Variants in CLEC16A observed in about 807,000 individuals in gnomAD.
CLEC16A encodes protein CLEC16A.
In CLEC16A, 51 loss-of-function variants were observed where a neutral mutation model predicts 109.5. The observed-to-expected ratio is 0.47, with a 90% CI of 0.37 to 0.59. The LOEUF is 0.59. CLEC16A is among the 20% of genes least tolerant of loss of function. The probability of loss-of-function intolerance (pLI) is 0.00; values close to 1 mark genes in which losing one functional copy is unlikely to be tolerated. For missense variants in CLEC16A, 1,339 were observed against 1,394.0 expected (o/e 0.96, Z 0.63); for synonymous variants, 673 against 564.2 (o/e 1.19, Z -2.73).
At chr16:11,142,353 T>C in intron 22 of CLEC16A, among the ~76,000 whole-genome samples, 1 of 152,220 alleles carries the variant, frequency 6.6e-6, no homozygotes, top group East Asian at 1.9e-4. Context: ...CAGCCTCACA[T>C]GCGTGGCTCC....
rs757838520 is a variant in CLEC16A, at chr16:11,047,345, AAGTG to A, written c.1866+6_1866+9del. ...AAGATGAGTATAGGAGCATGACAGT[AAGTG>A]AGGGGCTGGGACACACTTGGGCTGG... On this transcript the variant is annotated splice_donor_5th_base_variant and intron_variant, in intron 17 of 23. Transcript: ENST00000409790. 1.1e-5 allele frequency: 17 copies of A among 1,606,512 alleles called. No homozygotes were observed. The highest frequency in any genetic ancestry group is 1.4e-5 in the Non-Finnish European group (16 of 1,176,670).
chr16:10,948,037 G>T, intron 1 of CLEC16A, among the ~76,000 whole-genome samples: 1 of 152,048 alleles, frequency 6.6e-6, no homozygotes, highest in Non-Finnish European at 1.5e-5. Context: ...GGGACTACAG[G>T]CGCCCGCCAC....
intron 3 of CLEC16A, among the ~76,000 whole-genome samples, chr16:10,967,326 A>G (rs1567515690): frequency 5.3e-5 from 8 of 152,198 alleles, no homozygotes. Flanking sequence ...CGACGGCTCC[A>G]AATAACTTAA....
At chr16:11,057,474 A>G (rs558244869) in intron 18 of CLEC16A, among the ~76,000 whole-genome samples, 2 of 152,336 alleles carry the variant, frequency 1.3e-5, no homozygotes, top group South Asian at 2.1e-4. Context: ...GTGTCTGACT[A>G]CAGAGCCACC....
intron 19 of CLEC16A, among the ~76,000 whole-genome samples, chr16:11,069,208 G>A (rs1364943552): frequency 6.6e-6 from 1 of 152,000 alleles, no homozygotes; most frequent in African/African-American, 2.4e-5. Context: ...GCTCAGTGCA[G>A]CCCCAACTTC....
rs548272563 is a variant in CLEC16A, at chr16:10,961,247, C to A, written c.210-1208C>A. On this transcript the variant is annotated intron_variant, in intron 2 of 23. Transcript: ENST00000409790. This position sits in a 1 kb window ranked among gnomAD's most constrained non-coding sequence, Gnocchi z 4.3. ...GAATGGCATTTACAGGCAGATGGGC[C>A]TCCGAGTTGGAGAAGATTGTAAGGG... Among the ~76,000 whole-genome samples, 4 of 152,292 alleles carry A rather than the reference C, an allele frequency of 2.6e-5. No homozygotes were observed. In the East Asian group the frequency reaches 7.7e-4, roughly 29 times the overall value.
At chr16:10,967,428 C>G (rs1271067212) in intron 3 of CLEC16A, among the ~76,000 whole-genome samples, 1 of 152,158 alleles carries the variant, frequency 6.6e-6, no homozygotes, top group East Asian at 1.9e-4. Context: ...AGAGACAGGT[C>G]TCACCCTGTC....
intron 22 of CLEC16A, among the ~76,000 whole-genome samples, chr16:11,140,077 C>T (rs1358500351): frequency 6.6e-6 from 1 of 152,238 alleles, no homozygotes; most frequent in African/African-American, 2.4e-5. Flanking sequence ...CTTCTACCGG[C>T]TTCCTGAGAA....
chr16:10,944,647 C>T lies in CLEC16A; in HGVS notation c.-71C>T, dbSNP rs2041245130. On this transcript the variant is annotated 5_prime_UTR_variant, in exon 1 of 24. Transcript: ENST00000409790. ...GCCGCATCCTCCGCTTGTGCTACCG[C>T]CGCGGGCGCTGGGCCGCTCTGCTGG... The T allele has an allele frequency of 6.9e-7, 1 of 1,441,268 alleles. No individual in the cohort carries two copies. The highest frequency in any genetic ancestry group is 1.4e-5 in the African/African-American group (1 of 70,890). 89.3% of individuals were successfully genotyped at this position (1,441,268 alleles called of 1,614,324 possible).
At chr16:11,045,785 C>T (rs1219491123) in intron 16 of CLEC16A, among the ~76,000 whole-genome samples, 1 of 152,180 alleles carries the variant, frequency 6.6e-6, no homozygotes, top group Non-Finnish European at 1.5e-5. Context: ...TTCCTTGTCC[C>T]CTGTACTTTC....
intron 11 of CLEC16A, 150 bp downstream of exon 11, chr16:11,003,455 C>A: frequency 1.5e-6 from 1 of 659,228 alleles, no homozygotes; most frequent in Non-Finnish European, 2.7e-6. Context: ...GTACCTCATT[C>A]TATACAGCCC....
intron 10 of CLEC16A, among the ~76,000 whole-genome samples, chr16:10,996,889 G>C (rs114001252): frequency 0.044 from 6,672 of 152,224 alleles, 526 homozygotes; most frequent in African/African-American, 0.15. Context: ...TGTTCGCTTT[G>C]TCCTACCTTG....
At position 10,992,267 on chromosome 16, in the gene CLEC16A, T is replaced by C. The variant is rs375214397; in HGVS notation, c.1071+9276T>C. Reference sequence around the variant, plus strand: ...ACCTGTTGACCACCCTCTCCCCATCTTCCCCATCCGCATCCCTGCATCCCC... The same window carrying C: ...ACCTGTTGACCACCCTCTCCCCATCCTCCCCATCCGCATCCCTGCATCCCC... On this transcript the variant is annotated intron_variant, in intron 10 of 23. Coordinates refer to ENST00000409790, the MANE Select transcript of CLEC16A (RefSeq NM_015226.3). Among the ~76,000 whole-genome samples, 3 of 146,202 alleles carry C rather than the reference T, an allele frequency of 2.1e-5. 1 individual carries two copies. In the East Asian group the frequency reaches 6.0e-4, roughly 29 times the overall value.
chr16:11,027,157 A>G, intron 13 of CLEC16A: 2 of 1,433,750 alleles, frequency 1.4e-6, no homozygotes, highest in South Asian at 2.3e-5. Flanking sequence ...AAGAAAGGAA[A>G]AGGGCTCAGG....
intron 1 of CLEC16A, among the ~76,000 whole-genome samples, chr16:10,951,027 A>C (rs182820297): frequency 1.4e-4 from 22 of 152,342 alleles, no homozygotes; most frequent in African/African-American, 5.1e-4. Flanking sequence ...TGAATTGCTA[A>C]TTTTTGAAGG....
chr16:11,124,516 T>G (rs1265879806), intron 21 of CLEC16A, among the ~76,000 whole-genome samples: 2 of 152,166 alleles, frequency 1.3e-5, no homozygotes, highest in Non-Finnish European at 2.9e-5. Flanking sequence ...GGGATTGCGG[T>G]GAATTTCTGA....
At chr16:11,162,502 A>G (rs1567408471) in intron 22 of CLEC16A, among the ~76,000 whole-genome samples, 1 of 152,360 alleles carries the variant, frequency 6.6e-6, no homozygotes, top group East Asian at 1.9e-4. Context: ...ACAAAAAATA[A>G]CAAAACTCAC....
chr16:10,996,172 C>T (rs1437585897), intron 10 of CLEC16A, among the ~76,000 whole-genome samples: 1 of 152,204 alleles, frequency 6.6e-6, no homozygotes. Context: ...CCACTCAACA[C>T]GTTGCATCTA....
At chr16:11,098,510 G>A (rs1243186544) in intron 19 of CLEC16A, among the ~76,000 whole-genome samples, 2 of 152,214 alleles carry the variant, frequency 1.3e-5, no homozygotes, top group Non-Finnish European at 2.9e-5. Flanking sequence ...CCTAAGAGCT[G>A]AGCGTGAGGG....
Sources: gnomAD v4.1 joint callset for allele counts (sites outside exome capture counted in the v4.1 genomes callset) on GRCh38, gnomAD v4.1.1 for gene constraint, Gnocchi (gnomAD v3.1) non-coding constraint, MANE v1.5 for transcripts, NCBI Gene and HGNC (gene_info 2026-07-23, HGNC 2026-07-21) for gene names.